The following GJA1 variants were observed in gnomAD, a reference collection of about 807,000 sequenced individuals.
GJA1 encodes gap junction alpha-1 protein.
A neutral mutation model predicts 31.0 loss-of-function variants in GJA1; 9 were observed. The ratio of observed to expected loss-of-function variants is 0.29; its 90% CI spans 0.17 to 0.51. The LOEUF (loss-of-function observed/expected upper bound fraction) is 0.51. GJA1 is among the 20% of genes least tolerant of loss of function. The probability of loss-of-function intolerance (pLI) is 0.98; values close to 1 mark genes in which losing one functional copy is unlikely to be tolerated. For synonymous variants in GJA1, 186 were observed against 180.1 expected (o/e 1.03, Z -0.26); for missense variants, 278 against 468.8 (o/e 0.59, Z 3.76).
At position 121,448,387 on chromosome 6, in the gene GJA1, A is replaced by G. The variant is rs542131377; in HGVS notation, c.*391A>G. ...TTTGTTTTACCAAGAAACTGAAATA[A>G]TTCTGGCCAGGAATAAATACTTCCT... On this transcript the variant is annotated 3_prime_UTR_variant, in exon 2 of 2. Transcript: ENST00000282561. The G allele has an allele frequency of 4.4e-4, 120 of 270,158 alleles. No individual in the cohort carries two copies. The highest frequency in any genetic ancestry group is 2.3e-3 in the African/African-American group (105 of 45,296). 16.7% of individuals were successfully genotyped at this position (270,158 alleles called of 1,614,324 possible). A position where few individuals can be genotyped will look rare whatever the true frequency, so the allele number is the denominator to read the frequency against.
intron 1 of GJA1, among the ~76,000 whole-genome samples, chr6:121,438,652 G>T (rs562297240): frequency 6.6e-6 from 1 of 152,276 alleles, no homozygotes; most frequent in South Asian, 2.1e-4. Flanking sequence ...TCAGTTATTT[G>T]AAGAGATGTG....
Position 121,448,385 on chromosome 6 carries a change from T to C in GJA1, c.*389T>C. The C allele has an allele frequency of 3.7e-6, 1 of 269,986 alleles. No individual in the cohort carries two copies. Among genetic ancestry groups the C allele is most frequent in the Non-Finnish European group, 7.7e-6 (1 of 130,194 alleles). The allele number at this position is 269,986 out of a possible 1,614,324, so 16.7% of individuals were successfully genotyped here. ...TTTTTGTTTTACCAAGAAACTGAAA[T>C]AATTCTGGCCAGGAATAAATACTTC... On this transcript the variant is annotated 3_prime_UTR_variant, in exon 2 of 2. Coordinates refer to ENST00000282561, the MANE Select transcript of GJA1 (RefSeq NM_000165.5).
At chr6:121,441,813 T>C (rs186759070) in intron 1 of GJA1, among the ~76,000 whole-genome samples, 1 of 152,150 alleles carries the variant, frequency 6.6e-6, no homozygotes, top group Non-Finnish European at 1.5e-5. Flanking sequence ...AAACTGATGA[T>C]GGCTGAGATC....
chr6:121,437,665 T>C (rs1168546852), intron 1 of GJA1, among the ~76,000 whole-genome samples: 1 of 152,112 alleles, frequency 6.6e-6, no homozygotes, highest in Non-Finnish European at 1.5e-5. Context: ...TGGGGGTTTC[T>C]GATAACGCTC....
At chr6:121,436,850 G>T (rs1308839921) in intron 1 of GJA1, among the ~76,000 whole-genome samples, 1 of 152,172 alleles carries the variant, frequency 6.6e-6, no homozygotes, top group Non-Finnish European at 1.5e-5. Flanking sequence ...CAAAGATAAC[G>T]CTAATGCGTT....
At chr6:121,439,265 CTTT>C (rs927798877) in intron 1 of GJA1, among the ~76,000 whole-genome samples, 10 of 152,132 alleles carry the variant, frequency 6.6e-5, no homozygotes, top group Non-Finnish European at 1.3e-4. Context: ...AAGAACCAAA[CTTT>C]ACTGAGCTGT....
rs976656840 is a variant in GJA1 at position 121,449,647 on chromosome 6, G to T, written c.*1651G>T. The T allele has an allele frequency of 1.8e-5, 3 of 167,062 alleles. No individual in the cohort carries two copies. The highest frequency in any genetic ancestry group is 7.2e-5 in the African/African-American group (3 of 41,450). 10.3% of individuals were successfully genotyped at this position (167,062 alleles called of 1,614,324 possible). A position where few individuals can be genotyped will look rare whatever the true frequency, so the allele number is the denominator to read the frequency against. Reference sequence around the variant, plus strand: ...ACGGTCATGTTCAGCTTCATTGCATGTAATGTAGACCTAGTCCATCAGATC... The same window carrying T: ...ACGGTCATGTTCAGCTTCATTGCATTTAATGTAGACCTAGTCCATCAGATC... On this transcript the variant is annotated 3_prime_UTR_variant, in exon 2 of 2. Transcript: ENST00000282561.
chr6:121,447,487 C>G lies in GJA1; in HGVS notation c.640C>G (p.Leu214Val). The G allele has an allele frequency of 6.2e-7, 1 of 1,614,018 alleles. No individual in the cohort carries two copies. Among genetic ancestry groups the G allele is most frequent in the Non-Finnish European group, 8.5e-7 (1 of 1,179,958 alleles). Residue 214 changes from leucine (L) to valine (V), a missense_variant, in exon 2 of 2, where the codon CTG becomes GTG. Coordinates refer to ENST00000282561, the MANE Select transcript of GJA1 (RefSeq NM_000165.5). ...TEKTIFIIFM[L>V]VVSLVSLALN... is the part of the protein sequence containing the mutation. Reference sequence around the variant, plus strand: ...GAAAACCATCTTCATCATCTTCATGCTGGTGGTGTCCTTGGTGTCCCTGGC... The same window carrying G: ...GAAAACCATCTTCATCATCTTCATGGTGGTGGTGTCCTTGGTGTCCCTGGC...
At position 121,448,513 on chromosome 6, in the gene GJA1, T is replaced by A. The variant is rs1773928781; in HGVS notation, c.*517T>A. 5.5e-6 allele frequency: 1 copy of A among 180,620 alleles called. No homozygotes were observed. Among genetic ancestry groups the A allele is most frequent in the Non-Finnish European group, 1.3e-5 (1 of 74,876 alleles). The allele number at this position is 180,620 out of a possible 1,614,324, so 11.2% of individuals were successfully genotyped here. On this transcript the variant is annotated 3_prime_UTR_variant, in exon 2 of 2. Transcript: ENST00000282561. The stretch of plus-strand genomic sequence containing the variant: ...AAATTTGCACTTTGAAGGTAAGCTT[T>A]CTAGGCCTGACCCTCCAGGTGTCAA...
At chr6:121,437,436 T>C (rs1773689029) in intron 1 of GJA1, among the ~76,000 whole-genome samples, 1 of 151,772 alleles carries the variant, frequency 6.6e-6, no homozygotes, top group African/African-American at 2.4e-5. Flanking sequence ...CTGAATACCT[T>C]GGGAATTGTG....
At chr6:121,444,540 A>G (rs897845875) in intron 1 of GJA1, among the ~76,000 whole-genome samples, 2 of 152,208 alleles carry the variant, frequency 1.3e-5, no homozygotes, top group African/African-American at 4.8e-5. Flanking sequence ...CAGAAGATGC[A>G]GTCATTAGAC....
At chr6:121,439,489 T>A (rs1056480605) in intron 1 of GJA1, among the ~76,000 whole-genome samples, 4 of 152,174 alleles carry the variant, frequency 2.6e-5, no homozygotes, top group African/African-American at 9.7e-5. Context: ...TTAAGTTACA[T>A]CACAATTGAA....
At chr6:121,439,120 A>T (rs1403026245) in intron 1 of GJA1, among the ~76,000 whole-genome samples, 2 of 152,182 alleles carry the variant, frequency 1.3e-5, no homozygotes. Context: ...CAACATAGCA[A>T]GACCCCACCT....
In GJA1 at chr6:121,447,742, C is replaced by A. The variant is rs748954821; in HGVS notation, c.895C>A (p.Arg299Ser). The A allele has an allele frequency of 2.1e-5, 34 of 1,613,852 alleles. No individual in the cohort carries two copies. Among genetic ancestry groups the A allele is most frequent in the Non-Finnish European group, 2.6e-5 (31 of 1,180,016 alleles). ...TGGCGACAGAAACAATTCTTCTTGCCGCAATTACAACAAGCAAGCAAGTGA... is the reference window on the plus strand; with the variant it reads ...TGGCGACAGAAACAATTCTTCTTGCAGCAATTACAACAAGCAAGCAAGTGA... ...VTGDRNNSSC[R>S]NYNKQASEQN... The change falls in exon 2 of 2, where the codon CGC (arginine) becomes AGC (serine). Residue 299 changes from arginine to serine, a missense_variant. Physicochemically the swap from Arg to Ser is moderately radical, Grantham distance 110. Coordinates refer to ENST00000282561, the MANE Select transcript of GJA1 (RefSeq NM_000165.5).
At chr6:121,440,867 G>C (rs1197566857) in intron 1 of GJA1, among the ~76,000 whole-genome samples, 2 of 151,948 alleles carry the variant, frequency 1.3e-5, no homozygotes, top group Admixed American at 6.6e-5. Flanking sequence ...TCAGCCTCCA[G>C]AGTAGCTGGG....
intron 1 of GJA1, among the ~76,000 whole-genome samples, chr6:121,440,629 GAC>G (rs1773756596): frequency 6.7e-6 from 1 of 148,172 alleles, no homozygotes; most frequent in Non-Finnish European, 1.5e-5. Flanking sequence ...ATCCCAAAGA[GAC>G]AGAAAAAAAC....
intron 1 of GJA1, among the ~76,000 whole-genome samples, chr6:121,445,632 T>TTTTG (rs1277729025): frequency 6.6e-6 from 1 of 152,022 alleles, no homozygotes; most frequent in Non-Finnish European, 1.5e-5. Context: ...CTGAAGTAGG[T>TTTTG]TTTGTTTGTT....
chr6:121,446,821 G>A lies in GJA1; in HGVS notation c.-16-11G>A. 6.4e-7 allele frequency: 1 copy of A among 1,554,138 alleles called. No homozygotes were observed. The highest frequency in any genetic ancestry group is 1.1e-5 in the South Asian group (1 of 89,880). ...TCTGTGATCCTTGAATTGTCTCTTTGTTTCTTTCAGGTGGTGCCCAGGCAA... is the reference window on the plus strand; with the variant it reads ...TCTGTGATCCTTGAATTGTCTCTTTATTTCTTTCAGGTGGTGCCCAGGCAA... On this transcript the variant is annotated splice_polypyrimidine_tract_variant and intron_variant, in intron 1 of 1. Coordinates refer to ENST00000282561, the MANE Select transcript of GJA1 (RefSeq NM_000165.5).
rs1260325021 is a variant in GJA1 at position 121,447,912 on chromosome 6, A to G, written c.1065A>G (p.Pro355=). ...TAGCTGCTGGACATGAATTACAGCC[A>G]CTAGCCATTGTGGACCAGCGACCTT... The part of the protein sequence containing the change: ...KKLAAGHELQ[P]LAIVDQRPSS... Residue 355 remains proline, a synonymous_variant, in exon 2 of 2, where the codon CCA becomes CCG. Transcript: ENST00000282561. The G allele has an allele frequency of 3.2e-5, 52 of 1,613,868 alleles. No individual in the cohort carries two copies. The highest frequency in any genetic ancestry group is 4.4e-5 in the Non-Finnish European group (52 of 1,179,802).
Sources: allele counts gnomAD v4.1 joint callset (sites outside exome capture counted in the v4.1 genomes callset), GRCh38; gene constraint gnomAD v4.1.1; transcripts MANE v1.5; gene names NCBI Gene and HGNC (gene_info 2026-07-23, HGNC 2026-07-21).